CNGB3: variants seen among roughly 807,000 people sequenced by gnomAD.
CNGB3 encodes cyclic nucleotide gated channel subunit beta 3.
CNGB3 carries 86 observed loss-of-function variants against 92.8 expected under a neutral mutation model. The ratio of observed to expected loss-of-function variants is 0.93; its 90% confidence interval spans 0.78 to 1.11. CNGB3 has a LOEUF of 1.11. Ranked by LOEUF, CNGB3 falls within the 50% of genes least tolerant of loss-of-function variation. CNGB3 has a pLI of 0.00. For missense variants in CNGB3, 1,026 were observed against 956.8 expected (o/e 1.07, Z -0.95); for synonymous variants, 333 against 332.7 (o/e 1.00, Z -0.01).
intron 6 of CNGB3, chr8:86,659,626 G>A: frequency 1.9e-6 from 1 of 521,324 alleles, no homozygotes; most frequent in Non-Finnish European, 3.8e-6. Flanking sequence ...CACGCGCCAG[G>A]AATACTGCAG....
intron 3 of CNGB3, among the ~76,000 whole-genome samples, chr8:86,673,290 G>A (rs1288850037): frequency 6.6e-6 from 1 of 152,208 alleles, no homozygotes; most frequent in Non-Finnish European, 1.5e-5. Flanking sequence ...ACTGTCTTAA[G>A]GGACCAGCAT....
intron 15 of CNGB3, among the ~76,000 whole-genome samples, chr8:86,592,753 A>T (rs148318683): frequency 6.6e-6 from 1 of 152,232 alleles, no homozygotes; most frequent in African/African-American, 2.4e-5. Flanking sequence ...ATCATATTCA[A>T]TGCTGAGTAA....
intron 15 of CNGB3, among the ~76,000 whole-genome samples, chr8:86,598,030 G>C (rs1027388889): frequency 4.6e-5 from 7 of 151,926 alleles, no homozygotes; most frequent in African/African-American, 1.7e-4. Flanking sequence ...ATAAAATAAA[G>C]AGAGCAAGGC....
chr8:86,740,398 T>A (rs1369138043), intron 1 of CNGB3, among the ~76,000 whole-genome samples: 2 of 151,920 alleles, frequency 1.3e-5, no homozygotes, highest in Non-Finnish European at 2.9e-5. Context: ...TCTACTGGAG[T>A]AGAAGGGAAA....
intron 6 of CNGB3, chr8:86,658,564 G>A (rs1445060861): frequency 5.8e-6 from 2 of 343,206 alleles, no homozygotes; most frequent in Non-Finnish European, 1.1e-5. Context: ...TTCTCATAGG[G>A]CACCTGCTGA....
At chr8:86,665,479 G>A (rs763082478) in intron 6 of CNGB3, among the ~76,000 whole-genome samples, 56 of 152,052 alleles carry the variant, frequency 3.7e-4, no homozygotes, top group Admixed American at 9.8e-4. Flanking sequence ...CATGTTCATC[G>A]CAGCATTATT....
chr8:86,739,605 G>A (rs1230867258), intron 2 of CNGB3, 50 bp downstream of exon 2: 1 of 1,584,462 alleles, frequency 6.3e-7, no homozygotes, highest in Admixed American at 1.7e-5. Context: ...AGATACATAT[G>A]TATTTCACTT....
chr8:86,575,798 A>C lies in CNGB3; in HGVS notation c.*6T>G, dbSNP rs1173761768. 6.2e-7 allele frequency: 1 copy of C among 1,612,424 alleles called. No homozygotes were observed. The highest frequency in any genetic ancestry group is 8.5e-7 in the Non-Finnish European group (1 of 1,178,538). On this transcript the variant is annotated 3_prime_UTR_variant, in exon 18 of 18. Coordinates refer to ENST00000320005, the MANE Select transcript of CNGB3 (RefSeq NM_019098.5). ...AGCTATATCACATCTAAAGATAATC[A>C]AACATTTATTGCTTAGCCTTTTCTT...
rs141516381 is a variant in CNGB3 at position 86,578,549 on chromosome 8, T to C, written c.2103+140A>G. 7.8e-3 allele frequency: 6,317 copies of C among 814,938 alleles called. 35 individuals carry two copies. Among genetic ancestry groups the C allele is most frequent in the Non-Finnish European group, 0.01 (4,917 of 470,250 alleles). The allele number at this position is 814,938 out of a possible 1,614,324, so 50.5% of individuals were successfully genotyped here. A position where few individuals can be genotyped will look rare whatever the true frequency, so the allele number is the denominator to read the frequency against. On this transcript the variant is annotated intron_variant, in intron 17 of 17. Coordinates refer to ENST00000320005, the MANE Select transcript of CNGB3 (RefSeq NM_019098.5). ...CAGCAGTTTAAATAATAATGTGCTA[T>C]ATATAAAGCAGGAAGTATTAGTATT...
Position 86,622,690 on chromosome 8 carries a change from C to T in CNGB3, c.1578+3293G>A, listed in dbSNP as rs1005799197. Among the ~76,000 whole-genome samples, 4 of 152,236 alleles carry T rather than the reference C, an allele frequency of 2.6e-5. No homozygotes were observed. The South Asian group carries it at 8.3e-4, about 31-fold the overall frequency. ...TCCACCTCCCAAAGTCCTGGGATTA[C>T]TGGCATAAGCCATGGAACCTGGCCT... On this transcript the variant is annotated intron_variant, in intron 13 of 17. Transcript: ENST00000320005.
intron 6 of CNGB3, chr8:86,661,751 CAGGTGCTTAGGA>C: frequency 6.3e-7 from 1 of 1,586,334 alleles, no homozygotes; most frequent in Admixed American, 1.7e-5. Context: ...CTCAAACATC[CAGGTGCTTAGGA>C]AGGTTATATA....
intron 3 of CNGB3, among the ~76,000 whole-genome samples, chr8:86,702,742 A>G (rs1824577635): frequency 6.6e-6 from 1 of 152,076 alleles, no homozygotes; most frequent in Admixed American, 6.5e-5. Flanking sequence ...CTTATAAGTC[A>G]CTTTTTTCTA....
intron 2 of CNGB3, among the ~76,000 whole-genome samples, chr8:86,729,643 C>A (rs1825126046): frequency 6.6e-6 from 1 of 152,156 alleles, no homozygotes; most frequent in Middle Eastern, 3.2e-3. Context: ...TTAAAAAACC[C>A]ATGAGGACTC....
At chr8:86,594,484 A>C (rs1585956655) in intron 15 of CNGB3, 1 of 288,698 alleles carries the variant, frequency 3.5e-6, no homozygotes, top group Non-Finnish European at 6.7e-6. Context: ...CCAGGAGGGG[A>C]CCCGACACGT....
intron 13 of CNGB3, among the ~76,000 whole-genome samples, chr8:86,621,606 C>T (rs1371411906): frequency 1.3e-5 from 2 of 152,030 alleles, no homozygotes; most frequent in Admixed American, 6.6e-5. Flanking sequence ...TACACTATAC[C>T]CATTGTGTAG....
chr8:86,670,771 T>C (rs1823842910), intron 4 of CNGB3, among the ~76,000 whole-genome samples, 173 bp downstream of exon 4: 2 of 152,154 alleles, frequency 1.3e-5, no homozygotes, highest in Admixed American at 1.3e-4. Context: ...TGTACTGTCT[T>C]AACTTTGTTC....
chr8:86,593,655 C>T (rs1029984023), intron 15 of CNGB3: 28 of 551,286 alleles, frequency 5.1e-5, no homozygotes, highest in Non-Finnish European at 9.0e-5. Flanking sequence ...TGAGGTGGAC[C>T]CTAATGGTGT....
At chr8:86,680,006 G>T (rs865799302) in intron 3 of CNGB3, among the ~76,000 whole-genome samples, 3 of 152,242 alleles carry the variant, frequency 2.0e-5, no homozygotes, top group Middle Eastern at 3.4e-3. Flanking sequence ...TGGACTCCTA[G>T]CCTCCAGAAC....
In CNGB3 at chr8:86,636,880, C is replaced by T. The variant is rs549794781; in HGVS notation, c.1179-3987G>A. Reference sequence around the variant, plus strand: ...CTCTTTCTGTGTCTTGTTTATTTTGCTAGGCATAATGTCCCCCAGCACTAT... The same window carrying T: ...CTCTTTCTGTGTCTTGTTTATTTTGTTAGGCATAATGTCCCCCAGCACTAT... On this transcript the variant is annotated intron_variant, in intron 10 of 17. Transcript: ENST00000320005. Among the ~76,000 whole-genome samples the T allele has an allele frequency of 8.9e-4, 135 of 152,148 alleles. 1 individual carries two copies. Among genetic ancestry groups the T allele is most frequent in the African/African-American group, 3.1e-3 (130 of 41,510 alleles).
Sources: gnomAD v4.1 joint callset for allele counts (sites outside exome capture counted in the v4.1 genomes callset) on GRCh38, gnomAD v4.1.1 for gene constraint, MANE v1.5 for transcripts, NCBI Gene and HGNC (gene_info 2026-07-23, HGNC 2026-07-21) for gene names.